The following ASAP2 variants were observed in gnomAD, a reference collection of about 807,000 sequenced individuals.
The protein encoded by ASAP2 is ArfGAP with SH3 domain, ankyrin repeat and PH domain 2.
In ASAP2, 45 loss-of-function variants were observed where a neutral mutation model predicts 131.4. The ratio of observed to expected loss-of-function variants is 0.34; its 90% CI spans 0.27 to 0.44. ASAP2 has a LOEUF of 0.44. ASAP2 is among the 20% of genes least tolerant of loss of function. The pLI, the probability that ASAP2 is intolerant of heterozygous loss-of-function variation, is 1.00. For missense variants in ASAP2, 1,011 were observed against 1,297.0 expected, an observed-to-expected ratio of 0.78 and a Z score of 3.39; for synonymous variants, 510 against 503.0, an observed-to-expected ratio of 1.01 and a Z score of -0.19.
In ASAP2 at chr2:9,323,268, G is replaced by T; in HGVS notation, c.600+18G>T. ...TGTGCGAGGTAAGGCGGTGGTGAAG[G>T]CAGGTCCTACAGCCCAGGCTGTGCC... On this transcript the variant is annotated intron_variant, in intron 6 of 27. Transcript: ENST00000281419. 6.2e-7 allele frequency: 1 copy of T among 1,613,966 alleles called. No homozygotes were observed. Among genetic ancestry groups the T allele is most frequent in the Non-Finnish European group, 8.5e-7 (1 of 1,179,912 alleles).
intron 1 of ASAP2, among the ~76,000 whole-genome samples, chr2:9,253,455 T>C (rs1441073533): frequency 5.9e-5 from 9 of 152,186 alleles, no homozygotes; most frequent in Admixed American, 5.9e-4. Context: ...TGAACCACTG[T>C]GCCCGGCCAA....
intron 24 of ASAP2, among the ~76,000 whole-genome samples, chr2:9,397,750 A>ATATATATATATTTT (rs1343127000): frequency 8.9e-5 from 4 of 44,808 alleles, no homozygotes; most frequent in African/African-American, 6.8e-4. Flanking sequence ...ATATATATAT[A>ATATATATATATTTT]TTTTTTTTTT....
At chr2:9,287,633 C>T (rs10179475) in intron 2 of ASAP2, among the ~76,000 whole-genome samples, 3 of 152,190 alleles carry the variant, frequency 2.0e-5, no homozygotes, top group Non-Finnish European at 4.4e-5. Flanking sequence ...GGTGAGCAGA[C>T]TGAGCGGCGA....
chr2:9,279,215 G>C lies in ASAP2; in HGVS notation c.127-102G>C. 4 of 1,101,922 alleles carry C rather than the reference G, an allele frequency of 3.6e-6. No individual in the cohort carries two copies. In the South Asian group the frequency reaches 5.3e-5, roughly 15 times the overall value. The allele number at this position is 1,101,922 out of a possible 1,614,324, so 68.3% of individuals were successfully genotyped here. A position where few individuals can be genotyped will look rare whatever the true frequency, so the allele number is the denominator to read the frequency against. ...CTTGTCTCCCAGAAACAGGTGCCTA[G>C]GGACCTGGCAGAGGCAATCAGAGTG... On this transcript the variant is annotated intron_variant, in intron 1 of 27. Transcript: ENST00000281419.
intron 1 of ASAP2, among the ~76,000 whole-genome samples, chr2:9,233,057 G>GT (rs570353954): frequency 1.2e-3 from 184 of 152,058 alleles, no homozygotes; most frequent in African/African-American, 3.8e-3. Context: ...TGTGCTCTGT[G>GT]TTTTTTTTGC....
At chr2:9,323,644 C>T (rs1670296730) in intron 6 of ASAP2, among the ~76,000 whole-genome samples, 1 of 152,180 alleles carries the variant, frequency 6.6e-6, no homozygotes, top group Non-Finnish European at 1.5e-5. Flanking sequence ...ACAGCGATGA[C>T]AGACCATGGC....
intron 1 of ASAP2, among the ~76,000 whole-genome samples, chr2:9,275,805 T>G (rs1223666817): frequency 6.6e-6 from 1 of 152,156 alleles, no homozygotes; most frequent in East Asian, 1.9e-4. Context: ...TGAACAAATA[T>G]CAGTGACTGA....
chr2:9,369,255 G>T (rs924244626), intron 16 of ASAP2, among the ~76,000 whole-genome samples: 2 of 152,180 alleles, frequency 1.3e-5, no homozygotes, highest in African/African-American at 4.8e-5. Flanking sequence ...CTGACCTCAG[G>T]TGATCCACTC....
chr2:9,212,585 T>C (rs1661651151), intron 1 of ASAP2, among the ~76,000 whole-genome samples: 1 of 151,704 alleles, frequency 6.6e-6, no homozygotes, highest in Non-Finnish European at 1.5e-5. Context: ...ACCAAGAATT[T>C]GGGGTGATCC....
chr2:9,362,356 G>A (rs1343806009), intron 15 of ASAP2, among the ~76,000 whole-genome samples: 1 of 152,172 alleles, frequency 6.6e-6, no homozygotes, highest in African/African-American at 2.4e-5. Flanking sequence ...AAATAGAACA[G>A]CCTCTGTTTC....
At chr2:9,349,659 G>A (rs116252892) in intron 11 of ASAP2, among the ~76,000 whole-genome samples, 5,839 of 152,294 alleles carry the variant, frequency 0.038, 159 homozygotes, top group Non-Finnish European at 0.055. Context: ...CGAACCAGGA[G>A]AGTCTAGTAC....
intron 12 of ASAP2, 142 bp from the exon 13 acceptor site, chr2:9,355,905 G>A: frequency 1.0e-6 from 1 of 965,304 alleles, no homozygotes; most frequent in African/African-American, 1.6e-5. Flanking sequence ...AGGATATGAG[G>A]GAGTGCCTGA....
At chr2:9,305,804 T>C (rs1668882118) in intron 3 of ASAP2, among the ~76,000 whole-genome samples, 1 of 150,568 alleles carries the variant, frequency 6.6e-6, no homozygotes. Context: ...GGGGCTGGAG[T>C]AGTGACGTAT....
chr2:9,339,853 G>A (rs532006148), intron 9 of ASAP2, among the ~76,000 whole-genome samples: 19 of 152,214 alleles, frequency 1.2e-4, no homozygotes, highest in African/African-American at 4.3e-4. Context: ...TCTGTGTCCA[G>A]CCTGCGTCAC....
intron 1 of ASAP2, among the ~76,000 whole-genome samples, chr2:9,236,652 CTGTTATCTGTTATTGTA>C (rs1395302489): frequency 6.6e-6 from 1 of 152,048 alleles, no homozygotes; most frequent in East Asian, 1.9e-4. Context: ...TTAAAAGCAA[CTGTTATCTGTTATTGTA>C]TGTATGTATG....
rs569863943 is a variant in ASAP2 at position 9,335,304 on chromosome 2, T to C, written c.849+125T>C. 2.1e-3 allele frequency: 1,545 copies of C among 741,554 alleles called. 5 individuals are homozygous for C. Among genetic ancestry groups the C allele is most frequent in the Non-Finnish European group, 2.9e-3 (1,248 of 432,446 alleles). 45.9% of individuals were successfully genotyped at this position (741,554 alleles called of 1,614,324 possible). A position where few individuals can be genotyped will look rare whatever the true frequency, so the allele number is the denominator to read the frequency against. Reference sequence around the variant, plus strand: ...TCACTCGGGCTGTGTCAGGCACCAGTAAAACATTTAATGTATTCTTGCAAT... The same window carrying C: ...TCACTCGGGCTGTGTCAGGCACCAGCAAAACATTTAATGTATTCTTGCAAT... On this transcript the variant is annotated intron_variant, in intron 9 of 27. Coordinates refer to ENST00000281419, the MANE Select transcript of ASAP2 (RefSeq NM_003887.3).
At chr2:9,351,029 C>T in intron 12 of ASAP2, 134 bp downstream of exon 12, 1 of 631,532 alleles carries the variant, frequency 1.6e-6, no homozygotes, top group Non-Finnish European at 2.5e-6. Context: ...TAGTGATATG[C>T]GTGCTTTGTG....
chr2:9,251,226 T>A (rs1414654284), intron 1 of ASAP2, among the ~76,000 whole-genome samples: 1 of 152,142 alleles, frequency 6.6e-6, no homozygotes, highest in African/African-American at 2.4e-5. Context: ...CAAGTAGAGG[T>A]GGGCCCTGTG....
At chr2:9,377,407 C>G (rs1674492341) in intron 18 of ASAP2, among the ~76,000 whole-genome samples, 1 of 152,184 alleles carries the variant, frequency 6.6e-6, no homozygotes, top group Non-Finnish European at 1.5e-5. Flanking sequence ...ATGGTCTGAG[C>G]CAGAGATTAG....
Sources: gnomAD v4.1 joint callset for allele counts (sites outside exome capture counted in the v4.1 genomes callset) on GRCh38, gnomAD v4.1.1 for gene constraint, MANE v1.5 for transcripts, NCBI Gene and HGNC (gene_info 2026-07-23, HGNC 2026-07-21) for gene names.